Variants in NEK6 observed in about 807,000 individuals in gnomAD.
NEK6 encodes the protein serine/threonine-protein kinase Nek6.
A neutral mutation model predicts 43.5 loss-of-function variants in NEK6; 27 were observed. The ratio of observed to expected loss-of-function variants is 0.62; its 90% CI spans 0.46 to 0.86. NEK6 has a LOEUF of 0.86. NEK6 is among the 40% of genes least tolerant of loss of function. The pLI is 0.00. For missense variants in NEK6, 318 were observed against 414.4 expected (o/e 0.77, Z 2.02); for synonymous variants, 167 against 164.1 (o/e 1.02, Z -0.14).
chr9:124,337,421 T>C (rs1384201670), intron 7 of NEK6, among the ~76,000 whole-genome samples: 2 of 152,348 alleles, frequency 1.3e-5, no homozygotes, highest in East Asian at 3.9e-4. Flanking sequence ...AGGTATAATA[T>C]ACATACAGTG....
In NEK6 at chr9:124,292,712, G is replaced by A. The variant is rs1053508239; in HGVS notation, c.-29-9224G>A. ...CCCTGGCATGAGTTGGTCTCGGGGG[G>A]CCAGGCTTCTCCCTCCTGGCCTCAG... On this transcript the variant is annotated intron_variant, in intron 1 of 9. Coordinates refer to ENST00000320246, the MANE Select transcript of NEK6 (RefSeq NM_014397.6). The A allele has an allele frequency of 1.1e-5, 13 of 1,143,092 alleles. No individual in the cohort carries two copies. In the Admixed American group the frequency reaches 2.5e-4, roughly 22 times the overall value. 70.8% of individuals were successfully genotyped at this position (1,143,092 alleles called of 1,614,324 possible).
chr9:124,280,049 G>A (rs543598114), intron 1 of NEK6, among the ~76,000 whole-genome samples: 4 of 152,384 alleles, frequency 2.6e-5, no homozygotes, highest in South Asian at 2.1e-4. Flanking sequence ...GGGTCACACT[G>A]CCAGGGCAGG....
chr9:124,273,668 A>G (rs1474107471), intron 1 of NEK6, among the ~76,000 whole-genome samples: 1 of 152,190 alleles, frequency 6.6e-6, no homozygotes, highest in African/African-American at 2.4e-5. Flanking sequence ...CTCTGCATTC[A>G]CGAAATGGTG....
intron 1 of NEK6, among the ~76,000 whole-genome samples, chr9:124,289,462 C>CA (rs1242030112): frequency 6.6e-6 from 1 of 152,116 alleles, no homozygotes; most frequent in Non-Finnish European, 1.5e-5. Flanking sequence ...CAGCACCCGA[C>CA]ACTGATGGGG....
At chr9:124,323,076 T>C (rs1185882930) in intron 5 of NEK6, among the ~76,000 whole-genome samples, 1 of 152,232 alleles carries the variant, frequency 6.6e-6, no homozygotes, top group East Asian at 1.9e-4. Flanking sequence ...GTGTATCCAC[T>C]GTGTGCCAGC....
chr9:124,326,202 T>TTCCCCCCCCCCCCCCCCCCCC lies in NEK6; in HGVS notation c.406-128_406-127insTCCCCCCCCCCCCCCCCCCCC. 2 of 124,052 alleles carry TTCCCCCCCCCCCCCCCCCCCC rather than the reference T, an allele frequency of 1.6e-5. No individual in the cohort carries two copies. Among genetic ancestry groups the TTCCCCCCCCCCCCCCCCCCCC allele is most frequent in the Non-Finnish European group, 2.0e-5 (1 of 50,618 alleles). 7.7% of individuals were successfully genotyped at this position (124,052 alleles called of 1,614,324 possible). On this transcript the variant is annotated intron_variant, in intron 5 of 9. Coordinates refer to ENST00000320246, the MANE Select transcript of NEK6 (RefSeq NM_014397.6). This position sits in a 1 kb window ranked among gnomAD's most constrained non-coding sequence, Gnocchi z 4.5. ...GCTTATTGTTTGCTCAGTGGCTCAA[T>TTCCCCCCCCCCCCCCCCCCCC]CCCCCCCCCCCGCCCCTGCCAGGCA...
intron 1 of NEK6, among the ~76,000 whole-genome samples, chr9:124,282,323 G>A (rs1831949587): frequency 6.6e-6 from 1 of 152,166 alleles, no homozygotes; most frequent in Non-Finnish European, 1.5e-5. Flanking sequence ...TCGCCACATG[G>A]CCTTCTTCCT....
chr9:124,283,027 G>C (rs1410353649), intron 1 of NEK6, among the ~76,000 whole-genome samples: 1 of 152,250 alleles, frequency 6.6e-6, no homozygotes, highest in Non-Finnish European at 1.5e-5. Context: ...TTCCCCCAGA[G>C]GCCTTTATCT....
chr9:124,295,211 T>C (rs895633830), intron 1 of NEK6, among the ~76,000 whole-genome samples: 57 of 152,286 alleles, frequency 3.7e-4, no homozygotes, highest in South Asian at 1.4e-3. Flanking sequence ...TCCGCTGTCA[T>C]GGAGCTGCAG....
intron 2 of NEK6, among the ~76,000 whole-genome samples, chr9:124,307,012 GATTAA>G (rs1380361540): frequency 6.6e-6 from 1 of 152,096 alleles, no homozygotes; most frequent in Non-Finnish European, 1.5e-5. Context: ...GTGTAAAGAT[GATTAA>G]AATTCAGGTC....
At chr9:124,296,904 C>G (rs780516359) in intron 1 of NEK6, among the ~76,000 whole-genome samples, 6 of 152,218 alleles carry the variant, frequency 3.9e-5, no homozygotes, top group Non-Finnish European at 8.8e-5. Context: ...AACCTCAGAG[C>G]CAGCCCATTA....
intron 1 of NEK6, 75 bp from the exon 2 acceptor site, chr9:124,301,861 T>A: frequency 8.3e-7 from 1 of 1,199,334 alleles, no homozygotes; most frequent in Non-Finnish European, 1.2e-6. Flanking sequence ...ATCTGTAAAA[T>A]GGGGTGAGCG....
Position 124,351,964 on chromosome 9 carries a change from C to T in NEK6, c.*1017C>T, listed in dbSNP as rs894697179. The T allele has an allele frequency of 1.3e-5, 2 of 152,558 alleles. No homozygotes were observed. The highest frequency in any genetic ancestry group is 2.9e-5 in the Non-Finnish European group (2 of 68,034). 9.5% of individuals were successfully genotyped at this position (152,558 alleles called of 1,614,324 possible). On this transcript the variant is annotated 3_prime_UTR_variant, in exon 10 of 10. Coordinates refer to ENST00000320246, the MANE Select transcript of NEK6 (RefSeq NM_014397.6). ...CCTTCACAAACTGAAGTCCATGGAC[C>T]ACGGAAGTCGAGAATTAATGTACAC...
chr9:124,292,546 T>G lies in NEK6; in HGVS notation c.-29-9390T>G, dbSNP rs1192322244. 4.6e-6 allele frequency: 7 copies of G among 1,536,412 alleles called. No homozygotes were observed. The Admixed American group carries it at 7.9e-5, about 17-fold the overall frequency. On this transcript the variant is annotated intron_variant, in intron 1 of 9. Coordinates refer to ENST00000320246, the MANE Select transcript of NEK6 (RefSeq NM_014397.6). ...TGCTCGCCTGGGACCCAGGGTGAGT[T>G]TTTTACAAACACCGAAGCCCTCCAG...
chr9:124,327,490 G>C (rs766430511), intron 7 of NEK6, 45 bp downstream of exon 7: 1 of 1,493,854 alleles, frequency 6.7e-7, no homozygotes, highest in Non-Finnish European at 9.3e-7. Context: ...AGCGGTCCTG[G>C]TGACCATGCA....
intron 8 of NEK6, among the ~76,000 whole-genome samples, chr9:124,340,279 C>T (rs1285161801): frequency 2.0e-5 from 3 of 152,206 alleles, no homozygotes; most frequent in Non-Finnish European, 2.9e-5. Flanking sequence ...AATGGAAGCC[C>T]CCCACCCATT....
At chr9:124,310,356 G>GGGAGGCTCCCAGAGCAGGGT (rs1833468726) in intron 2 of NEK6, among the ~76,000 whole-genome samples, 2 of 152,258 alleles carry the variant, frequency 1.3e-5, no homozygotes, top group African/African-American at 4.8e-5. Flanking sequence ...TGGGTGCTCT[G>GGGAGGCTCCCAGAGCAGGGT]TGTACAGGTG....
chr9:124,337,378 T>C (rs530675287), intron 7 of NEK6, among the ~76,000 whole-genome samples: 1 of 152,354 alleles, frequency 6.6e-6, no homozygotes, highest in African/African-American at 2.4e-5. Context: ...ATCTTCACCA[T>C]TAACACCTTT....
At chr9:124,296,815 A>G (rs1832712381) in intron 1 of NEK6, among the ~76,000 whole-genome samples, 1 of 152,264 alleles carries the variant, frequency 6.6e-6, no homozygotes, top group African/African-American at 2.4e-5. Context: ...AGGCACAGGA[A>G]TGACTTCCCC....
Sources: allele counts gnomAD v4.1 joint callset (sites outside exome capture counted in the v4.1 genomes callset), GRCh38; gene constraint gnomAD v4.1.1; non-coding constraint Gnocchi (gnomAD v3.1); transcripts MANE v1.5; gene names NCBI Gene and HGNC (gene_info 2026-07-23, HGNC 2026-07-21).